FNDC3A: variants seen among roughly 807,000 people sequenced by gnomAD.
The protein encoded by FNDC3A is fibronectin type-III domain-containing protein 3A.
A neutral mutation model predicts 148.9 loss-of-function variants in FNDC3A; 32 were observed. That is an observed-to-expected ratio of 0.21 (90% CI 0.16 to 0.29). The LOEUF is 0.29. Among genes scored for constraint, FNDC3A ranks in the 10% least tolerant of loss-of-function variants. FNDC3A has a pLI of 1.00. For missense variants in FNDC3A, 1,191 were observed against 1,452.8 expected (o/e 0.82, Z 2.93); for synonymous variants, 472 against 473.6 (o/e 1.00, Z 0.04).
chr13:49,006,864 A>G (rs1344325049), intron 2 of FNDC3A, among the ~76,000 whole-genome samples: 1 of 152,044 alleles, frequency 6.6e-6, no homozygotes, highest in Non-Finnish European at 1.5e-5. Flanking sequence ...CTTCATTCTC[A>G]TAACTATCTT....
intron 8 of FNDC3A, among the ~76,000 whole-genome samples, chr13:49,166,217 C>G (rs1315752880): frequency 6.6e-6 from 1 of 152,136 alleles, no homozygotes; most frequent in African/African-American, 2.4e-5. Context: ...GCGCTTTGGC[C>G]CCAGCTGCAG....
chr13:48,984,064 T>G (rs976289462), intron 1 of FNDC3A, among the ~76,000 whole-genome samples: 3 of 152,158 alleles, frequency 2.0e-5, no homozygotes, highest in Non-Finnish European at 4.4e-5. Flanking sequence ...GAAAATTCAT[T>G]AGCCTTCTTA....
intron 19 of FNDC3A, among the ~76,000 whole-genome samples, chr13:49,192,257 G>A (rs537291596): frequency 6.6e-6 from 1 of 151,978 alleles, no homozygotes; most frequent in African/African-American, 2.4e-5. Context: ...TTTCCAACAG[G>A]GTTCTGTATT....
At chr13:49,127,277 AAAC>A (rs1214962156) in intron 4 of FNDC3A, among the ~76,000 whole-genome samples, 6 of 152,338 alleles carry the variant, frequency 3.9e-5, no homozygotes, top group African/African-American at 1.4e-4. Flanking sequence ...TCACTCCTGA[AAAC>A]AACAAAACAT....
chr13:48,978,125 T>A (rs974405453), intron 1 of FNDC3A, among the ~76,000 whole-genome samples: 1 of 152,128 alleles, frequency 6.6e-6, no homozygotes, highest in Non-Finnish European at 1.5e-5. Context: ...TGTCTTCACT[T>A]CCTCTATCTG....
At chr13:49,160,054 A>T (rs1328824842) in intron 8 of FNDC3A, among the ~76,000 whole-genome samples, 1 of 152,212 alleles carries the variant, frequency 6.6e-6, no homozygotes, top group Admixed American at 6.5e-5. Context: ...ATCGATGTTC[A>T]TCAGGGATAT....
intron 20 of FNDC3A, 25 bp downstream of exon 20, chr13:49,197,015 A>G (rs748458345): frequency 3.0e-6 from 4 of 1,338,076 alleles, no homozygotes; most frequent in South Asian, 2.5e-5. Context: ...ATTGACTTGT[A>G]TCTACTTTCT....
intron 1 of FNDC3A, among the ~76,000 whole-genome samples, chr13:49,005,597 A>C (rs1484177667): frequency 1.3e-5 from 2 of 151,910 alleles, no homozygotes; most frequent in South Asian, 4.1e-4. Context: ...TGAAACTTCA[A>C]ACTTGAAGGT....
chr13:49,115,490 A>G (rs1407848661), intron 4 of FNDC3A, among the ~76,000 whole-genome samples: 1 of 152,046 alleles, frequency 6.6e-6, no homozygotes, highest in Non-Finnish European at 1.5e-5. Flanking sequence ...TGGTGGTGGG[A>G]TATTGGGGTG....
chr13:49,186,581 A>T (rs886234608), intron 15 of FNDC3A, among the ~76,000 whole-genome samples: 1 of 152,260 alleles, frequency 6.6e-6, no homozygotes, highest in Non-Finnish European at 1.5e-5. Flanking sequence ...TCTAAAGTAA[A>T]TGGAGGCTGG....
chr13:49,110,948 C>T (rs1300745662), intron 3 of FNDC3A, among the ~76,000 whole-genome samples: 1 of 152,136 alleles, frequency 6.6e-6, no homozygotes, highest in Non-Finnish European at 1.5e-5. Flanking sequence ...TACTCTTCTG[C>T]AGGTTTTTGA....
chr13:49,145,898 A>C lies in FNDC3A; in HGVS notation c.940A>C (p.Ser314Arg), dbSNP rs1175254387. 6 of 1,612,954 alleles carry C rather than the reference A, an allele frequency of 3.7e-6. No individual in the cohort carries two copies. The South Asian group carries it at 6.6e-5, about 18-fold the overall frequency. Residue 314 changes from serine (S) to arginine (R), a missense_variant, in exon 8 of 26, where the codon AGT (serine) becomes CGT (arginine). Ser to Arg is a moderately radical substitution (Grantham distance 110). Coordinates refer to ENST00000492622, the MANE Select transcript of FNDC3A (RefSeq NM_001079673.2). ...CTATGGTTATGAAGTTCTGATCTCA[A>C]GTACTGGAAAAGATGGGAAATACAA... ...ELYGYEVLIS[S>R]TGKDGKYKSV...
At chr13:49,016,218 G>GA in intron 2 of FNDC3A, among the ~76,000 whole-genome samples, 1 of 152,190 alleles carries the variant, frequency 6.6e-6, no homozygotes, top group East Asian at 1.9e-4. Flanking sequence ...ATTCAGCTGT[G>GA]AATCCATCTG....
At chr13:49,144,774 A>T (rs1350255572) in intron 7 of FNDC3A, among the ~76,000 whole-genome samples, 1 of 152,244 alleles carries the variant, frequency 6.6e-6, no homozygotes, top group Non-Finnish European at 1.5e-5. Context: ...AACAATTGGT[A>T]CATTTGTACA....
At chr13:49,117,427 A>T (rs528183157) in intron 4 of FNDC3A, among the ~76,000 whole-genome samples, 14 of 152,234 alleles carry the variant, frequency 9.2e-5, no homozygotes, top group African/African-American at 3.1e-4. Flanking sequence ...AATGTTATTC[A>T]TTTCTCCATT....
intron 2 of FNDC3A, among the ~76,000 whole-genome samples, chr13:49,048,979 AG>A (rs1159029080): frequency 6.6e-6 from 1 of 152,160 alleles, no homozygotes; most frequent in Non-Finnish European, 1.5e-5. Flanking sequence ...TATTACCTTA[AG>A]GTATGTCCCT....
At position 49,132,827 on chromosome 13, in the gene FNDC3A, T is replaced by C. The variant is rs190721082; in HGVS notation, c.490+1453T>C. On this transcript the variant is annotated intron_variant, in intron 5 of 25. Coordinates refer to ENST00000492622, the MANE Select transcript of FNDC3A (RefSeq NM_001079673.2). ...TCAGAGAGACCTTCCTGATCTTACC[T>C]TGTTAGTCTCTAGCACTGAACTTTG... is the stretch of plus-strand genomic sequence containing the variant. Among the ~76,000 whole-genome samples, 710 of 152,370 alleles carry C rather than the reference T, an allele frequency of 4.7e-3. 8 individuals are homozygous for C. Among genetic ancestry groups the C allele is most frequent in the African/African-American group, 0.016 (682 of 41,578 alleles).
At chr13:49,040,063 G>A (rs775380843) in intron 2 of FNDC3A, among the ~76,000 whole-genome samples, 2 of 152,110 alleles carry the variant, frequency 1.3e-5, no homozygotes, top group African/African-American at 2.4e-5. Flanking sequence ...ATATGTCATC[G>A]TAGGACACTT....
intron 2 of FNDC3A, among the ~76,000 whole-genome samples, chr13:49,050,521 C>T (rs951416811): frequency 1.3e-5 from 2 of 152,080 alleles, no homozygotes; most frequent in Admixed American, 6.6e-5. Flanking sequence ...GGTATAATTT[C>T]GATTTTCTTA....
Sources: allele counts gnomAD v4.1 joint callset (sites outside exome capture counted in the v4.1 genomes callset), GRCh38; gene constraint gnomAD v4.1.1; transcripts MANE v1.5; gene names NCBI Gene and HGNC (gene_info 2026-07-23, HGNC 2026-07-21).